Variants in AKNA observed in about 807,000 individuals in gnomAD.
The protein encoded by AKNA is microtubule organization protein AKNA.
In AKNA, 67 loss-of-function variants were observed where a neutral mutation model predicts 138.8. That is an observed-to-expected ratio of 0.48 (90% CI 0.40 to 0.59). AKNA has a LOEUF of 0.59. AKNA is among the 20% of genes least tolerant of loss of function. The pLI is 0.00. For missense variants in AKNA, 1,813 were observed against 1,880.4 expected (o/e 0.96, Z 0.66); for synonymous variants, 737 against 754.4 (o/e 0.98, Z 0.38).
intron 11 of AKNA, 39 bp downstream of exon 11, chr9:114,359,555 T>C: frequency 6.2e-7 from 1 of 1,612,244 alleles, no homozygotes; most frequent in Non-Finnish European, 8.5e-7. Flanking sequence ...GGTTTTAGGG[T>C]GGAAACAAAC....
At chr9:114,368,743 G>T in intron 4 of AKNA, 148 bp from the exon 5 acceptor site, 1 of 677,858 alleles carries the variant, frequency 1.5e-6, no homozygotes, top group Non-Finnish European at 2.1e-6. Context: ...GCCAAACACA[G>T]GTGAAGAACT....
At chr9:114,360,154 T>TTCTTACCCCGCAGCCCACA in intron 9 of AKNA, 92 bp from the exon 10 acceptor site, 1 of 1,535,594 alleles carries the variant, frequency 6.5e-7, no homozygotes, top group Non-Finnish European at 8.9e-7. Context: ...AGCTGTGGGC[T>TTCTTACCCCGCAGCCCACA]GCGGGGTAAG....
At chr9:114,340,651 G>T (rs1830279586) in intron 21 of AKNA, among the ~76,000 whole-genome samples, 1 of 152,216 alleles carries the variant, frequency 6.6e-6, no homozygotes, top group African/African-American at 2.4e-5. Flanking sequence ...CTGAGAGGAA[G>T]TTAGTTTGCC....
chr9:114,373,776 C>T (rs999812412), intron 4 of AKNA, among the ~76,000 whole-genome samples: 1 of 150,394 alleles, frequency 6.6e-6, no homozygotes, highest in African/African-American at 2.5e-5. Flanking sequence ...TTCCCAGCTA[C>T]CAGGGAGGCT....
intron 19 of AKNA, 38 bp from the exon 20 acceptor site, chr9:114,342,163 T>C: frequency 6.9e-7 from 1 of 1,455,052 alleles, no homozygotes. Flanking sequence ...GAGGATTACA[T>C]CTAAATCATC....
At chr9:114,330,821 A>C (rs765975938), downstream of AKNA, 2 of 1,613,946 alleles carry the variant, frequency 1.2e-6, no homozygotes, top group Non-Finnish European at 1.7e-6. Context: ...AACTCCAGTT[A>C]CCTGAATGTC....
At position 114,337,184 on chromosome 9, in the gene AKNA, T is replaced by A. The variant is rs755221737; in HGVS notation, c.4190A>T (p.Glu1397Val). Residue 1397 changes from glutamate to valine, a missense_variant, in exon 22 of 22, where the codon GAG becomes GTG. Glu to Val is a moderately radical substitution (Grantham distance 121, BLOSUM62 -2). Coordinates refer to ENST00000374088, the MANE Select transcript of AKNA (RefSeq NM_001317950.2). ...SIQLDLGDLE[E>V]LNKALSRAVQ... ...GGCCCGGCTCAGGGCCTTGTTGAGCTCCTCTAGGTCGCCCAGGTCGAGCTG... is the reference window on the plus strand; with the variant it reads ...GGCCCGGCTCAGGGCCTTGTTGAGCACCTCTAGGTCGCCCAGGTCGAGCTG... The A allele has an allele frequency of 2.5e-6, 4 of 1,601,402 alleles. No homozygotes were observed. Among genetic ancestry groups the A allele is most frequent in the South Asian group, 2.2e-5 (2 of 90,422 alleles).
intron 6 of AKNA, 114 bp from the exon 7 acceptor site, chr9:114,364,733 G>T: frequency 1.8e-6 from 2 of 1,105,374 alleles, no homozygotes; most frequent in East Asian, 2.4e-5. Flanking sequence ...CAGGATGTGG[G>T]GTTTCTGCCA....
chr9:114,351,600 C>T (rs1831125839), intron 14 of AKNA, among the ~76,000 whole-genome samples: 1 of 151,578 alleles, frequency 6.6e-6, no homozygotes, highest in South Asian at 2.1e-4. Flanking sequence ...ATTGCTTGCG[C>T]CCAGAAGTTT....
At chr9:114,354,207 TA>T (rs1335079556) in intron 14 of AKNA, among the ~76,000 whole-genome samples, 1 of 152,144 alleles carries the variant, frequency 6.6e-6, no homozygotes, top group African/African-American at 2.4e-5. Context: ...TAAAAAACTT[TA>T]AAAACTTTTC....
At chr9:114,383,213 G>A (rs1188372442) in intron 1 of AKNA, 5 of 455,880 alleles carry the variant, frequency 1.1e-5, no homozygotes, top group South Asian at 1.5e-5. Context: ...CCCGTCAGGC[G>A]GCTGCTGCAG....
At chr9:114,351,903 G>A (rs1219044888) in intron 14 of AKNA, among the ~76,000 whole-genome samples, 1 of 152,080 alleles carries the variant, frequency 6.6e-6, no homozygotes, top group Non-Finnish European at 1.5e-5. Context: ...ATATATAAAG[G>A]AGCTAACTAT....
intron 13 of AKNA, 103 bp downstream of exon 13, chr9:114,356,760 G>GGACA: frequency 9.7e-7 from 1 of 1,030,448 alleles, no homozygotes; most frequent in Non-Finnish European, 1.4e-6. Context: ...GCCTACGAAT[G>GGACA]GACAGACCAT....
At chr9:114,377,769 C>T (rs1245866169) in intron 2 of AKNA, 2 of 555,650 alleles carry the variant, frequency 3.6e-6, no homozygotes, top group African/African-American at 3.8e-5. Context: ...CCAGTGTCTC[C>T]CATCTCAGCA....
At position 114,362,428 on chromosome 9, in the gene AKNA, GCGTCC is replaced by G; in HGVS notation, c.1889_1893del (p.Gly630AlafsTer5). The G allele has an allele frequency of 6.2e-7, 1 of 1,611,926 alleles. No homozygotes were observed. The highest frequency in any genetic ancestry group is 8.5e-7 in the Non-Finnish European group (1 of 1,179,092). ...TACCTGCGAGGATCAAATCTTCCAG[GCGTCC>G]CCTTGGAGCCGGCAAGCGGCTGGGC... On this transcript the variant is annotated frameshift_variant, in exon 8 of 22. Coordinates refer to ENST00000374088, the MANE Select transcript of AKNA (RefSeq NM_001317950.2). LOFTEE classifies it high-confidence loss of function.
chr9:114,338,505 G>A (rs1830136201), intron 21 of AKNA, among the ~76,000 whole-genome samples: 1 of 152,220 alleles, frequency 6.6e-6, no homozygotes. Context: ...CCCAGGGCTG[G>A]CATCCTCATC....
At chr9:114,349,202 C>A (rs1013308885) in intron 15 of AKNA, among the ~76,000 whole-genome samples, 1 of 152,224 alleles carries the variant, frequency 6.6e-6, no homozygotes, top group Admixed American at 6.5e-5. Context: ...CTTACCAGGC[C>A]GGGGGCGTGA....
chr9:114,395,162 C>A (rs1238661970), upstream of AKNA, among the ~76,000 whole-genome samples: 1 of 152,180 alleles, frequency 6.6e-6, no homozygotes, highest in African/African-American at 2.4e-5. Context: ...CTGGGTAGAT[C>A]AGCCCTTTGC....
downstream of AKNA, chr9:114,330,824 T>G: frequency 6.2e-7 from 1 of 1,613,952 alleles, no homozygotes; most frequent in African/African-American, 1.3e-5. Flanking sequence ...TCCAGTTACC[T>G]GAATGTCCAG....
Sources: allele counts gnomAD v4.1 joint callset (sites outside exome capture counted in the v4.1 genomes callset), GRCh38; gene constraint gnomAD v4.1.1; transcripts MANE v1.5; gene names NCBI Gene and HGNC (gene_info 2026-07-23, HGNC 2026-07-21).